Variants in CPE observed in about 807,000 individuals in gnomAD.
The protein encoded by CPE is carbocypeptidase E.
CPE carries 17 observed loss-of-function variants against 53.5 expected under a neutral mutation model. That is an observed-to-expected ratio of 0.32 (90% confidence interval 0.22 to 0.48). The LOEUF (loss-of-function observed/expected upper bound fraction) is 0.48. CPE is among the 20% of genes least tolerant of loss of function. The probability of loss-of-function intolerance (pLI) is 0.99; values close to 1 mark genes in which losing one functional copy is unlikely to be tolerated. For missense variants in CPE, 524 were observed against 614.7 expected, an observed-to-expected ratio of 0.85 and a Z score of 1.56; for synonymous variants, 226 against 228.8, an observed-to-expected ratio of 0.99 and a Z score of 0.11.
intron 1 of CPE, among the ~76,000 whole-genome samples, chr4:165,441,641 A>C (rs1377390269): frequency 6.6e-6 from 1 of 152,132 alleles, no homozygotes; most frequent in Non-Finnish European, 1.5e-5. Context: ...CTTTTTACAG[A>C]TCTTTAAGAA....
Position 165,497,812 on chromosome 4 carries a change from T to G in CPE, c.*202T>G. ...ATATATTTCATTCTCTTATATAGTA[T>G]TCATTTTCCTACCTATATTACACAA... On this transcript the variant is annotated 3_prime_UTR_variant, in exon 9 of 9. Transcript: ENST00000402744. The G allele has an allele frequency of 3.3e-6, 1 of 302,416 alleles. No homozygotes were observed. Among genetic ancestry groups the G allele is most frequent in the Admixed American group, 5.0e-5 (1 of 20,040 alleles). The allele number at this position is 302,416 out of a possible 1,614,324, so 18.7% of individuals were successfully genotyped here. A position where few individuals can be genotyped will look rare whatever the true frequency, so the allele number is the denominator to read the frequency against.
chr4:165,460,403 G>A lies in CPE; in HGVS notation c.308-3987G>A, dbSNP rs1199017674. ...GGAGCTGCTTGCCTGGAGAGGTTTT[G>A]TGGTGACTATGGAAATTAATCTTCT... On this transcript the variant is annotated intron_variant, in intron 1 of 8. Coordinates refer to ENST00000402744, the MANE Select transcript of CPE (RefSeq NM_001873.4). Among the ~76,000 whole-genome samples, 5 of 152,122 alleles carry A rather than the reference G, an allele frequency of 3.3e-5. No individual in the cohort carries two copies. The South Asian group carries it at 8.3e-4, about 25-fold the overall frequency.
At position 165,457,981 on chromosome 4, in the gene CPE, A is replaced by G. The variant is rs372662650; in HGVS notation, c.308-6409A>G. On this transcript the variant is annotated intron_variant, in intron 1 of 8. Coordinates refer to ENST00000402744, the MANE Select transcript of CPE (RefSeq NM_001873.4). ...TAGGCTGCTAAAATATGAGCCAATT[A>G]ATGATGTTCTTATTGACGAGGTCTA... Among the ~76,000 whole-genome samples the G allele has an allele frequency of 9.2e-5, 14 of 152,288 alleles. 2 individuals are homozygous for G. Among genetic ancestry groups the G allele is most frequent in the Admixed American group, 3.3e-4 (5 of 15,286 alleles).
At chr4:165,451,830 C>G (rs1026780637) in intron 1 of CPE, among the ~76,000 whole-genome samples, 2 of 151,994 alleles carry the variant, frequency 1.3e-5, no homozygotes, top group African/African-American at 4.8e-5. Context: ...AAAAGAAAAC[C>G]GAGGCTAGGG....
At chr4:165,467,878 C>G in intron 3 of CPE, 23 bp downstream of exon 3, 6 of 1,611,234 alleles carry the variant, frequency 3.7e-6, no homozygotes, top group Non-Finnish European at 5.1e-6. Context: ...GGATAGTCTT[C>G]TTGGGTTCGT....
intron 1 of CPE, chr4:165,404,864 T>G (rs1730927545): frequency 5.2e-6 from 4 of 763,938 alleles, no homozygotes; most frequent in African/African-American, 1.7e-5. Context: ...AGAGAAGTAG[T>G]GCCTGCCAAT....
At chr4:165,410,756 A>C (rs1731028669) in intron 1 of CPE, among the ~76,000 whole-genome samples, 2 of 152,170 alleles carry the variant, frequency 1.3e-5, no homozygotes, top group South Asian at 4.1e-4. Flanking sequence ...TTTTGCTGAA[A>C]ATTAATTTTA....
At chr4:165,405,360 C>A in intron 1 of CPE, 2 of 1,409,386 alleles carry the variant, frequency 1.4e-6, no homozygotes, top group Non-Finnish European at 2.0e-6. Flanking sequence ...GCCTTTGATT[C>A]TTTGGTCATT....
chr4:165,494,658 AAAG>A (rs2126718650), intron 7 of CPE, among the ~76,000 whole-genome samples: 1 of 152,142 alleles, frequency 6.6e-6, no homozygotes, highest in East Asian at 1.9e-4. Flanking sequence ...CAGAATAAGA[AAAG>A]AACCATTCTG....
At chr4:165,491,860 T>C (rs974498624) in intron 6 of CPE, among the ~76,000 whole-genome samples, 2 of 152,188 alleles carry the variant, frequency 1.3e-5, no homozygotes, top group Non-Finnish European at 2.9e-5. Context: ...TTATCTGTCT[T>C]CTGTAGGGAA....
intron 6 of CPE, among the ~76,000 whole-genome samples, chr4:165,491,198 T>C (rs1374829183): frequency 1.3e-5 from 2 of 152,208 alleles, no homozygotes; most frequent in Non-Finnish European, 2.9e-5. Flanking sequence ...AGTAAAGCCA[T>C]GAATATTAAC....
chr4:165,489,010 A>G (rs971521781), intron 6 of CPE, among the ~76,000 whole-genome samples: 1 of 152,228 alleles, frequency 6.6e-6, no homozygotes, highest in Non-Finnish European at 1.5e-5. Flanking sequence ...TTCTTTTTAA[A>G]TCAATGGATT....
chr4:165,386,327 T>G, intron 1 of CPE: 1 of 483,310 alleles, frequency 2.1e-6, no homozygotes, highest in Non-Finnish European at 4.1e-6. Context: ...GATTGTATTT[T>G]GTTTATATAT....
Position 165,404,694 on chromosome 4 carries a change from T to A in CPE, c.307+25166T>A, listed in dbSNP as rs1730924982. The A allele has an allele frequency of 7.6e-6, 7 of 920,020 alleles. No homozygotes were observed. In the South Asian group the frequency reaches 7.7e-5, roughly 10 times the overall value. The allele number at this position is 920,020 out of a possible 1,614,324, so 57.0% of individuals were successfully genotyped here. On this transcript the variant is annotated intron_variant, in intron 1 of 8. Transcript: ENST00000402744. ...TGGAGGATTCAGATGACTTCAGACA[T>A]CATGGGTGCAAGACACCTGGTAGTA...
intron 1 of CPE, among the ~76,000 whole-genome samples, chr4:165,438,463 A>T (rs958324322): frequency 1.3e-5 from 2 of 152,104 alleles, no homozygotes; most frequent in Non-Finnish European, 2.9e-5. Context: ...TTTGAGGCAC[A>T]ATTTCCCCCT....
intron 1 of CPE, among the ~76,000 whole-genome samples, chr4:165,414,160 C>T (rs935173972): frequency 6.6e-6 from 1 of 152,050 alleles, no homozygotes; most frequent in Non-Finnish European, 1.5e-5. Context: ...ATATTTTAAG[C>T]CTTTACTGTT....
intron 1 of CPE, among the ~76,000 whole-genome samples, chr4:165,399,741 A>G (rs544899508): frequency 6.6e-6 from 1 of 152,288 alleles, no homozygotes; most frequent in South Asian, 2.1e-4. Context: ...TTATGATAAG[A>G]TAGAAAATGA....
At chr4:165,442,214 G>C (rs1044982406) in intron 1 of CPE, among the ~76,000 whole-genome samples, 1 of 151,382 alleles carries the variant, frequency 6.6e-6, no homozygotes, top group African/African-American at 2.4e-5. Context: ...AGCTAATTTT[G>C]TAATTCTTTT....
intron 1 of CPE, among the ~76,000 whole-genome samples, chr4:165,429,973 G>A (rs139804861): frequency 6.6e-6 from 1 of 152,186 alleles, no homozygotes; most frequent in East Asian, 1.9e-4. Flanking sequence ...TAATCATGTT[G>A]GGAGAAATTC....
Sources: gnomAD v4.1 joint callset for allele counts (sites outside exome capture counted in the v4.1 genomes callset) on GRCh38, gnomAD v4.1.1 for gene constraint, MANE v1.5 for transcripts, NCBI Gene and HGNC (gene_info 2026-07-23, HGNC 2026-07-21) for gene names.